FSTL4: variants seen among roughly 807,000 people sequenced by gnomAD.
FSTL4 encodes the protein follistatin-related protein 4.
A neutral mutation model predicts 78.2 loss-of-function variants in FSTL4; 28 were observed. The observed-to-expected ratio is 0.36, with a 90% CI of 0.27 to 0.49. The LOEUF is 0.49. Among genes scored for constraint, FSTL4 ranks in the 20% least tolerant of loss-of-function variants. The probability of loss-of-function intolerance (pLI) is 0.98; values close to 1 mark genes in which losing one functional copy is unlikely to be tolerated. For missense variants in FSTL4, 922 were observed against 1,084.9 expected (o/e 0.85, Z 2.11); for synonymous variants, 422 against 440.5 (o/e 0.96, Z 0.53).
At chr5:133,327,751 A>G (rs1393715253) in intron 4 of FSTL4, among the ~76,000 whole-genome samples, 1 of 152,218 alleles carries the variant, frequency 6.6e-6, no homozygotes, top group Non-Finnish European at 1.5e-5. Context: ...CATCACAGGC[A>G]GCTGAGTTTG....
intron 11 of FSTL4, among the ~76,000 whole-genome samples, chr5:133,221,902 T>TTTGTTTTTTTTTTG (rs1407135789): frequency 1.0e-5 from 1 of 99,698 alleles, no homozygotes; most frequent in African/African-American, 8.4e-5. Flanking sequence ...TTTTTTTTTT[T>TTTGTTTTTTTTTTG]TTTTTTTTTT....
intron 3 of FSTL4, among the ~76,000 whole-genome samples, chr5:133,535,479 G>A (rs1344119339): frequency 6.6e-6 from 1 of 152,242 alleles, no homozygotes; most frequent in Admixed American, 6.5e-5. Flanking sequence ...TGTTCCTGCT[G>A]CAATTAATTC....
At chr5:133,421,107 C>A (rs1335634463) in intron 3 of FSTL4, among the ~76,000 whole-genome samples, 3 of 152,186 alleles carry the variant, frequency 2.0e-5, no homozygotes, top group African/African-American at 7.2e-5. Context: ...TCTGCCATTG[C>A]CCTCCACCCC....
At chr5:133,395,333 C>A (rs896869697) in intron 4 of FSTL4, among the ~76,000 whole-genome samples, 5 of 152,150 alleles carry the variant, frequency 3.3e-5, no homozygotes, top group African/African-American at 1.2e-4. Flanking sequence ...ACTCCAGACG[C>A]GCCGCCTTAA....
intron 4 of FSTL4, among the ~76,000 whole-genome samples, chr5:133,326,319 A>G (rs1754210389): frequency 6.6e-6 from 1 of 152,166 alleles, no homozygotes; most frequent in Non-Finnish European, 1.5e-5. Flanking sequence ...AACTCTGAAA[A>G]TTCCAAGAGA....
At chr5:133,605,366 A>G (rs942564314) in intron 1 of FSTL4, among the ~76,000 whole-genome samples, 6 of 152,218 alleles carry the variant, frequency 3.9e-5, no homozygotes, top group African/African-American at 1.2e-4. Flanking sequence ...GGGCTGGTCC[A>G]GAACAGACAT....
intron 2 of FSTL4, among the ~76,000 whole-genome samples, chr5:133,591,536 A>C (rs1760625751): frequency 6.6e-6 from 1 of 151,990 alleles, no homozygotes; most frequent in East Asian, 1.9e-4. Context: ...CGCTGCACCC[A>C]CATCCTCCCC....
chr5:133,710,381 G>A, the FSTL4 span, among the ~76,000 whole-genome samples: 1 of 152,136 alleles, frequency 6.6e-6, no homozygotes, highest in Non-Finnish European at 1.5e-5. Flanking sequence ...CCATTTGCCA[G>A]GGACAGCCTG....
At chr5:133,399,102 G>GTTATATCA (rs1169836799) in intron 4 of FSTL4, among the ~76,000 whole-genome samples, 4 of 152,102 alleles carry the variant, frequency 2.6e-5, no homozygotes, top group African/African-American at 9.7e-5. Flanking sequence ...CAATGGTGAG[G>GTTATATCA]GAGGGTGTGC....
At chr5:133,337,814 C>G (rs1402793005) in intron 4 of FSTL4, among the ~76,000 whole-genome samples, 1 of 152,182 alleles carries the variant, frequency 6.6e-6, no homozygotes. Context: ...AACATAAGAG[C>G]TGGAGAAGCA....
the FSTL4 span, among the ~76,000 whole-genome samples, chr5:133,753,406 C>A: frequency 2.0e-5 from 3 of 152,192 alleles, no homozygotes; most frequent in South Asian, 6.2e-4. Flanking sequence ...CTTGTTCTCC[C>A]AACTCCTCTG....
intron 3 of FSTL4, among the ~76,000 whole-genome samples, chr5:133,552,390 GC>G (rs1243788585): frequency 2.0e-5 from 3 of 152,320 alleles, no homozygotes; most frequent in East Asian, 1.9e-4. Context: ...CTGTGGAAAA[GC>G]AGGAGAGCAT....
intron 11 of FSTL4, among the ~76,000 whole-genome samples, chr5:133,221,250 T>C (rs1296528128): frequency 6.6e-6 from 1 of 152,202 alleles, no homozygotes; most frequent in African/African-American, 2.4e-5. Context: ...GATGCCAAAG[T>C]AGCAAAGGCT....
At position 133,199,622 on chromosome 5, in the gene FSTL4, C is replaced by G; in HGVS notation, c.2002G>C (p.Ala668Pro). Residue 668 changes from alanine (A) to proline (P), a missense_variant, in exon 16 of 16, where the codon GCT becomes CCT. Ala to Pro is a conservative substitution (Grantham distance 27). Transcript: ENST00000265342. This position sits in a 1 kb window ranked among gnomAD's most constrained non-coding sequence, Gnocchi z 4.4. ...IQCRQDSPAS[A>P]ARQLLVDSVT... The stretch of plus-strand genomic sequence containing the variant: ...CTGTCAACGAGCAGCTGTCGGGCAG[C>G]AGAGGCGGGGCTGTCCTGTCGGCAC... 1 of 1,614,184 alleles carries G rather than the reference C, an allele frequency of 6.2e-7. No individual in the cohort carries two copies. The highest frequency in any genetic ancestry group is 8.5e-7 in the Non-Finnish European group (1 of 1,180,026).
chr5:133,825,610 C>A, the FSTL4 span, among the ~76,000 whole-genome samples: 1 of 152,216 alleles, frequency 6.6e-6, no homozygotes, highest in Non-Finnish European at 1.5e-5. Flanking sequence ...TGCAGGAGAG[C>A]CACCAACTCC....
intron 4 of FSTL4, among the ~76,000 whole-genome samples, chr5:133,379,090 A>G (rs1471224659): frequency 6.6e-6 from 1 of 152,150 alleles, no homozygotes; most frequent in Non-Finnish European, 1.5e-5. Flanking sequence ...AACTATAAGA[A>G]AGCTGAAAGA....
Position 133,341,056 on chromosome 5 carries a change from C to A in FSTL4, c.410-24404G>T, listed in dbSNP as rs549826660. 2.0e-5 allele frequency among the ~76,000 whole-genome samples: 3 copies of A among 152,226 alleles called. No individual in the cohort carries two copies. In the East Asian group the frequency reaches 5.8e-4, roughly 29 times the overall value. On this transcript the variant is annotated intron_variant, in intron 4 of 15. Transcript: ENST00000265342. ...CCAAAGTCACTGCCCACAGCAGGGG[C>A]CGCCAGCCCACTCTCATTCGCATCA...
chr5:133,739,770 G>T, the FSTL4 span, among the ~76,000 whole-genome samples: 5,040 of 152,208 alleles, frequency 0.033, 275 homozygotes, highest in African/African-American at 0.12. Flanking sequence ...CCTTCCTTCT[G>T]TGGAGAAGGT....
chr5:133,603,718 G>T, intron 2 of FSTL4, 140 bp downstream of exon 2: 1 of 963,804 alleles, frequency 1.0e-6, no homozygotes, highest in Non-Finnish European at 1.6e-6. Context: ...GCCTTCTTCT[G>T]TCCCCACCAA....
Sources: allele counts gnomAD v4.1 joint callset (sites outside exome capture counted in the v4.1 genomes callset), GRCh38; gene constraint gnomAD v4.1.1; non-coding constraint Gnocchi (gnomAD v3.1); transcripts MANE v1.5; gene names NCBI Gene and HGNC (gene_info 2026-07-23, HGNC 2026-07-21).